TPD52L1: variants seen among roughly 807,000 people sequenced by gnomAD.
TPD52L1 encodes TPD52 like 1.
Under a neutral mutation model 28.7 loss-of-function variants are expected in TPD52L1, and 18 were observed. The ratio of observed to expected loss-of-function variants is 0.63; its 90% CI spans 0.43 to 0.93. TPD52L1 has a LOEUF of 0.93. Among genes scored for constraint, TPD52L1 ranks in the 40% least tolerant of loss-of-function variants. The pLI is 0.00. For missense variants in TPD52L1, 203 were observed against 254.8 expected (o/e 0.80, Z 1.39); for synonymous variants, 75 against 88.8 (o/e 0.84, Z 0.88).
At chr6:125,167,325 C>G (rs1236462470) in intron 1 of TPD52L1, among the ~76,000 whole-genome samples, 1 of 152,102 alleles carries the variant, frequency 6.6e-6, no homozygotes, top group African/African-American at 2.4e-5. Context: ...ACGCTGATTC[C>G]TTTCAGCACG....
intron 3 of TPD52L1, chr6:125,231,114 G>C (rs953418842): frequency 1.3e-5 from 2 of 152,178 alleles, no homozygotes; most frequent in African/African-American, 4.8e-5. Flanking sequence ...TAATTCTCTG[G>C]GTTTGGTCAC....
At chr6:125,175,381 G>GT (rs1791759367) in intron 1 of TPD52L1, among the ~76,000 whole-genome samples, 1 of 152,090 alleles carries the variant, frequency 6.6e-6, no homozygotes, top group South Asian at 2.1e-4. Flanking sequence ...TATTTTAAAA[G>GT]CTCCTAAAAT....
rs1215206078 is a variant in TPD52L1, at chr6:125,172,165, C to CT, written c.19+18198dup. 6.8e-3 allele frequency among the ~76,000 whole-genome samples: 471 copies of CT among 69,254 alleles called. 1 individual carries two copies. The highest frequency in any genetic ancestry group is 7.8e-3 in the East Asian group (18 of 2,310). 45.4% of individuals were successfully genotyped at this position (69,254 alleles called of 152,430 possible). ...CTTTCTTTCTTTCTTTCTTTTCTTT[C>CT]TTTCTTTCTTTCTTTCTTTCTTTCT... On this transcript the variant is annotated intron_variant, in intron 1 of 6. Coordinates refer to ENST00000534000, the MANE Select transcript of TPD52L1 (RefSeq NM_003287.4).
intron 1 of TPD52L1, among the ~76,000 whole-genome samples, chr6:125,163,018 A>G (rs534544361): frequency 6.6e-6 from 1 of 152,340 alleles, no homozygotes; most frequent in South Asian, 2.1e-4. Flanking sequence ...CTTAACTACT[A>G]TACTGCACTG....
chr6:125,200,142 G>T (rs1793712212), intron 1 of TPD52L1, among the ~76,000 whole-genome samples: 1 of 152,172 alleles, frequency 6.6e-6, no homozygotes, highest in African/African-American at 2.4e-5. Context: ...ATCTGGGAAG[G>T]ATTTTGAAAG....
intron 3 of TPD52L1, among the ~76,000 whole-genome samples, chr6:125,246,421 AT>A (rs1005453639): frequency 6.6e-6 from 1 of 152,182 alleles, no homozygotes; most frequent in African/African-American, 2.4e-5. Context: ...ACAAAAGTTC[AT>A]GATGTGAGTC....
At position 125,153,885 on chromosome 6, in the gene TPD52L1, C is replaced by T. The variant is rs1171585498; in HGVS notation, c.-67C>T. The stretch of plus-strand genomic sequence containing the variant: ...GGGCCAGCTGCGTTCTGAGCCTGGG[C>T]GCAGCTGCCATCTGCTCTGGGAAGC... On this transcript the variant is annotated 5_prime_UTR_variant, in exon 1 of 7. Transcript: ENST00000534000. The T allele has an allele frequency of 7.1e-6, 11 of 1,545,570 alleles. No homozygotes were observed. Among genetic ancestry groups the T allele is most frequent in the Non-Finnish European group, 7.8e-6 (9 of 1,149,988 alleles).
intron 1 of TPD52L1, among the ~76,000 whole-genome samples, chr6:125,163,609 A>G (rs1036265935): frequency 4.0e-5 from 6 of 151,422 alleles, no homozygotes; most frequent in Non-Finnish European, 7.4e-5. Flanking sequence ...AACAAAAACA[A>G]AAAACTCCAA....
rs541512452 is a variant in TPD52L1, at chr6:125,223,229, A to T, written c.135+3036A>T. ...TGTCTTATCCTGCATTATCTTGTTG[A>T]TAATATTCCCATGAGGTTGCCCTTA... On this transcript the variant is annotated intron_variant, in intron 2 of 6. Transcript: ENST00000534000. Among the ~76,000 whole-genome samples the T allele has an allele frequency of 3.3e-5, 5 of 152,048 alleles. No individual in the cohort carries two copies. The South Asian group carries it at 1.0e-3, about 32-fold the overall frequency.
chr6:125,214,276 G>T (rs1794711995), intron 1 of TPD52L1, among the ~76,000 whole-genome samples: 1 of 152,108 alleles, frequency 6.6e-6, no homozygotes, highest in Non-Finnish European at 1.5e-5. Flanking sequence ...GTAGAGAGTG[G>T]GTCTGAAGGA....
chr6:125,182,301 G>A (rs531676312), intron 1 of TPD52L1, among the ~76,000 whole-genome samples: 6 of 152,282 alleles, frequency 3.9e-5, no homozygotes, highest in African/African-American at 1.2e-4. Flanking sequence ...CTGATCAAGT[G>A]CACAGCGCTG....
chr6:125,224,066 T>TTC (rs1013231616), intron 2 of TPD52L1, among the ~76,000 whole-genome samples: 1 of 151,786 alleles, frequency 6.6e-6, no homozygotes, highest in Admixed American at 6.6e-5. Context: ...TGTTTTTTTT[T>TTC]TCTCTCTCTC....
chr6:125,169,945 T>G (rs1025009288), intron 1 of TPD52L1, among the ~76,000 whole-genome samples: 1 of 152,180 alleles, frequency 6.6e-6, no homozygotes, highest in South Asian at 2.1e-4. Flanking sequence ...TCCCTTCGCT[T>G]CCTCTTAGGA....
At chr6:125,174,301 A>G (rs560404061) in intron 1 of TPD52L1, among the ~76,000 whole-genome samples, 2 of 152,202 alleles carry the variant, frequency 1.3e-5, no homozygotes, top group Admixed American at 1.3e-4. Flanking sequence ...TTACCACCCT[A>G]TTTTCGTTAT....
intron 1 of TPD52L1, among the ~76,000 whole-genome samples, chr6:125,205,534 T>A (rs1000615871): frequency 6.6e-6 from 1 of 152,194 alleles, no homozygotes; most frequent in African/African-American, 2.4e-5. Context: ...TCTGAGATTC[T>A]TGTCTCTGGA....
chr6:125,174,815 A>C (rs1442833258), intron 1 of TPD52L1, among the ~76,000 whole-genome samples: 2 of 152,210 alleles, frequency 1.3e-5, no homozygotes, highest in Admixed American at 6.5e-5. Flanking sequence ...ATAACAAGAC[A>C]GGCTTGCTGA....
At chr6:125,170,671 C>T (rs1016005065) in intron 1 of TPD52L1, among the ~76,000 whole-genome samples, 1 of 152,014 alleles carries the variant, frequency 6.6e-6, no homozygotes, top group Non-Finnish European at 1.5e-5. Flanking sequence ...TGTCTATGAC[C>T]CAGAAGTCTT....
intron 1 of TPD52L1, among the ~76,000 whole-genome samples, chr6:125,218,298 A>G (rs1253958804): frequency 6.6e-6 from 1 of 152,222 alleles, no homozygotes; most frequent in African/African-American, 2.4e-5. Context: ...ACTGAGCGTG[A>G]ACTAATTTAA....
At chr6:125,251,457 G>GA (rs558412424) in intron 4 of TPD52L1, among the ~76,000 whole-genome samples, 4 of 151,072 alleles carry the variant, frequency 2.6e-5, no homozygotes, top group East Asian at 1.9e-4. Context: ...TTTAATAGCT[G>GA]AAAAAAAAGC....
Sources: gnomAD v4.1 joint callset for allele counts (sites outside exome capture counted in the v4.1 genomes callset) on GRCh38, gnomAD v4.1.1 for gene constraint, MANE v1.5 for transcripts, NCBI Gene and HGNC (gene_info 2026-07-23, HGNC 2026-07-21) for gene names.